SLC14A1: variants seen among roughly 807,000 people sequenced by gnomAD.
SLC14A1 encodes urea transporter 1.
Under a neutral mutation model 39.6 loss-of-function variants are expected in SLC14A1, and 36 were observed. The ratio of observed to expected loss-of-function variants is 0.91; its 90% CI spans 0.70 to 1.20. SLC14A1 has a LOEUF of 1.20. Among genes scored for constraint, SLC14A1 ranks in the 50% most tolerant of loss-of-function variants. The probability of loss-of-function intolerance (pLI) is 0.00; values close to 1 mark genes in which losing one functional copy is unlikely to be tolerated. For synonymous variants in SLC14A1, 164 were observed against 173.6 expected, an observed-to-expected ratio of 0.94 and a Z score of 0.43; for missense variants, 469 against 478.7, an observed-to-expected ratio of 0.98 and a Z score of 0.19.
intron 5 of SLC14A1, 122 bp downstream of exon 5, chr18:45,734,524 A>G: frequency 1.1e-5 from 11 of 1,012,896 alleles, no homozygotes; most frequent in Admixed American, 1.9e-5. Context: ...CTCTGAATGT[A>G]TAGTGGTGAT....
At chr18:45,746,580 G>A (rs1466355342) in intron 8 of SLC14A1, among the ~76,000 whole-genome samples, 2 of 152,196 alleles carry the variant, frequency 1.3e-5, no homozygotes, top group Non-Finnish European at 2.9e-5. Context: ...GGGCACTCAA[G>A]AGATCAGGGA....
intron 2 of SLC14A1, 39 bp from the exon 3 acceptor site, chr18:45,730,261 T>A: frequency 6.3e-7 from 1 of 1,580,582 alleles, no homozygotes. Flanking sequence ...TGGAGGGCTC[T>A]GCCTTAGGGA....
intron 8 of SLC14A1, among the ~76,000 whole-genome samples, chr18:45,744,680 A>G (rs1185070066): frequency 1.3e-5 from 2 of 152,170 alleles, no homozygotes; most frequent in East Asian, 3.8e-4. Flanking sequence ...TCCTCTCAAC[A>G]TGAGCCCTCA....
At chr18:45,731,267 G>A (rs2047022713) in intron 4 of SLC14A1, 63 bp downstream of exon 4, 2 of 1,450,008 alleles carry the variant, frequency 1.4e-6, no homozygotes, top group African/African-American at 1.4e-5. Flanking sequence ...ACCAGTTACT[G>A]TGGGCAACAG....
chr18:45,730,653 A>G (rs1599255670), intron 3 of SLC14A1, among the ~76,000 whole-genome samples, 182 bp downstream of exon 3: 1 of 152,092 alleles, frequency 6.6e-6, no homozygotes, highest in East Asian at 1.9e-4. Context: ...TTATGGAGAC[A>G]GTAGCCAGGG....
rs1459787548 is a variant in SLC14A1 at position 45,749,784 on chromosome 18, T to A, written c.1003T>A (p.Leu335Met). The change falls in exon 10 of 10, where the codon TTG (leucine) becomes ATG (methionine). Residue 335 changes from leucine (L) to methionine (M), a missense_variant. Coordinates refer to ENST00000321925, the MANE Select transcript of SLC14A1 (RefSeq NM_015865.7). ...GMANFMAEVG[L>M]PACTWPFCLA... ...GCTTTCTCTTCTTCCCCAGGTTGGATTGCCAGCTTGTACCTGGCCCTTCTG... is the reference window on the plus strand; with the variant it reads ...GCTTTCTCTTCTTCCCCAGGTTGGAATGCCAGCTTGTACCTGGCCCTTCTG... The A allele has an allele frequency of 6.2e-7, 1 of 1,614,180 alleles. No individual in the cohort carries two copies. Among genetic ancestry groups the A allele is most frequent in the East Asian group, 2.2e-5 (1 of 44,882 alleles).
At chr18:45,735,589 T>A (rs1364841476) in intron 5 of SLC14A1, among the ~76,000 whole-genome samples, 1 of 152,232 alleles carries the variant, frequency 6.6e-6, no homozygotes, top group Admixed American at 6.5e-5. Context: ...TGCACATAAA[T>A]AAGCACAGCC....
intron 8 of SLC14A1, among the ~76,000 whole-genome samples, chr18:45,740,113 G>T (rs1044442675): frequency 6.6e-6 from 1 of 152,204 alleles, no homozygotes; most frequent in Non-Finnish European, 1.5e-5. Flanking sequence ...TGGCTGTGAG[G>T]ATCTGCCATG....
intron 2 of SLC14A1, chr18:45,727,543 G>C: frequency 8.4e-7 from 1 of 1,187,280 alleles, no homozygotes; most frequent in South Asian, 1.6e-5. Context: ...AAGGCACAGG[G>C]ATCTTGGTCC....
At position 45,742,550 on chromosome 18, in the gene SLC14A1, G is replaced by A. The variant is rs200558869; in HGVS notation, c.946+2888G>A. Among the ~76,000 whole-genome samples the A allele has an allele frequency of 5.3e-5, 8 of 151,912 alleles. No homozygotes were observed. The East Asian group carries it at 1.5e-3, about 29-fold the overall frequency. On this transcript the variant is annotated intron_variant, in intron 8 of 9. Transcript: ENST00000321925. ...AATTTTTGTATTTTTAGTAGAGACG[G>A]GGTTTCACCATGTTGGCCAGGATGG...
chr18:45,740,926 A>T (rs1293043761), intron 8 of SLC14A1, among the ~76,000 whole-genome samples: 1 of 151,778 alleles, frequency 6.6e-6, no homozygotes, highest in Non-Finnish European at 1.5e-5. Context: ...ATCCTTTCTG[A>T]CTCCCAGTGT....
intron 8 of SLC14A1, among the ~76,000 whole-genome samples, chr18:45,744,435 T>C (rs757294164): frequency 2.6e-5 from 4 of 152,240 alleles, no homozygotes; most frequent in Non-Finnish European, 4.4e-5. Flanking sequence ...ACTCAAGATT[T>C]AACATTTTTT....
chr18:45,727,513 G>A (rs1568029267), intron 2 of SLC14A1: 6 of 1,399,762 alleles, frequency 4.3e-6, no homozygotes, highest in Non-Finnish European at 5.7e-6. Flanking sequence ...GGAAGTGGGG[G>A]TTGGCTGTGA....
intron 6 of SLC14A1, among the ~76,000 whole-genome samples, chr18:45,737,283 A>G (rs1186145767): frequency 6.6e-6 from 1 of 152,234 alleles, no homozygotes; most frequent in African/African-American, 2.4e-5. Flanking sequence ...CACTGTATCA[A>G]GGGGTGAATC....
chr18:45,729,701 T>C (rs985968447), intron 2 of SLC14A1: 2 of 152,184 alleles, frequency 1.3e-5, no homozygotes, highest in African/African-American at 2.4e-5. Flanking sequence ...TAAGGACAAA[T>C]TCAAGCCATC....
At chr18:45,731,227 T>C in intron 4 of SLC14A1, 23 bp downstream of exon 4, 3 of 1,611,142 alleles carry the variant, frequency 1.9e-6, no homozygotes, top group Non-Finnish European at 1.7e-6. Flanking sequence ...TTTCAAGCCT[T>C]CTCAGCTCCC....
Position 45,751,723 on chromosome 18 carries a change from T to G in SLC14A1, c.*1772T>G. ...TGTGCACAGAAGTTCGAGGCTGCAGTGAGCTATATGATCATGTCACTGCAC... is the reference window on the plus strand; with the variant it reads ...TGTGCACAGAAGTTCGAGGCTGCAGGGAGCTATATGATCATGTCACTGCAC... On this transcript the variant is annotated 3_prime_UTR_variant, in exon 10 of 10. Coordinates refer to ENST00000321925, the MANE Select transcript of SLC14A1 (RefSeq NM_015865.7). The G allele has an allele frequency of 2.0e-6, 1 of 492,132 alleles. No individual in the cohort carries two copies. Among genetic ancestry groups the G allele is most frequent in the Non-Finnish European group, 2.6e-6 (1 of 380,180 alleles). 30.5% of individuals were successfully genotyped at this position (492,132 alleles called of 1,614,324 possible).
chr18:45,740,951 G>C (rs543485168), intron 8 of SLC14A1: 1 of 152,190 alleles, frequency 6.6e-6, no homozygotes, highest in Non-Finnish European at 1.5e-5. Flanking sequence ...GCCAGACTCA[G>C]CCTGTCAGAG....
intron 4 of SLC14A1, 176 bp downstream of exon 4, chr18:45,731,380 C>A: frequency 1.5e-6 from 1 of 684,744 alleles, no homozygotes; most frequent in Non-Finnish European, 2.6e-6. Flanking sequence ...GTCTCTTGCT[C>A]TTGATATCTG....
Sources: gnomAD v4.1 joint callset for allele counts (sites outside exome capture counted in the v4.1 genomes callset) on GRCh38, gnomAD v4.1.1 for gene constraint, MANE v1.5 for transcripts, NCBI Gene and HGNC (gene_info 2026-07-23, HGNC 2026-07-21) for gene names.